CLASP1: variants seen among roughly 807,000 people sequenced by gnomAD.
CLASP1 encodes the protein CLIP-associating protein 1.
CLASP1 carries 38 observed loss-of-function variants against 192.3 expected under a neutral mutation model. That is an observed-to-expected ratio of 0.20 (90% CI 0.15 to 0.26). CLASP1 has a LOEUF of 0.26. Ranked by LOEUF, CLASP1 falls within the 10% of genes least tolerant of loss-of-function variation. The probability of loss-of-function intolerance (pLI) is 1.00; values close to 1 mark genes in which losing one functional copy is unlikely to be tolerated. For synonymous variants in CLASP1, 691 were observed against 712.8 expected (o/e 0.97, Z 0.49); for missense variants, 1,433 against 1,932.5 (o/e 0.74, Z 4.85).
At chr2:121,642,261 T>C (rs192591451) in intron 1 of CLASP1, among the ~76,000 whole-genome samples, 129 of 147,116 alleles carry the variant, frequency 8.8e-4, no homozygotes, top group Admixed American at 1.9e-3. Flanking sequence ...CTACAAAAAA[T>C]ACAAAAATTA....
At chr2:121,493,661 C>A (rs1337245232) in intron 8 of CLASP1, among the ~76,000 whole-genome samples, 1 of 151,746 alleles carries the variant, frequency 6.6e-6, no homozygotes, top group Admixed American at 6.6e-5. Flanking sequence ...AGACAACCCA[C>A]AAAATGCAAG....
intron 25 of CLASP1, 58 bp from the exon 27 acceptor site, chr2:121,404,492 G>T: frequency 3.5e-6 from 5 of 1,432,426 alleles, no homozygotes; most frequent in Non-Finnish European, 4.8e-6. Context: ...TTTGAGACAG[G>T]GTCTCACTCT....
At chr2:121,563,600 C>A (rs2059274532) in intron 2 of CLASP1, among the ~76,000 whole-genome samples, 1 of 152,144 alleles carries the variant, frequency 6.6e-6, no homozygotes, top group African/African-American at 2.4e-5. Context: ...AAATTTGCTG[C>A]TTTAATTTCT....
At chr2:121,531,059 A>AT (rs2094827556) in intron 2 of CLASP1, 1 of 696,764 alleles carries the variant, frequency 1.4e-6, no homozygotes, top group East Asian at 2.7e-5. Context: ...TAATTCGTAA[A>AT]TAAACTAGTA....
rs187197823 is a variant in CLASP1 at position 121,521,809 on chromosome 2, G to A, written c.546+4036C>T. Among the ~76,000 whole-genome samples, 5 of 152,308 alleles carry A rather than the reference G, an allele frequency of 3.3e-5. No individual in the cohort carries two copies. In the East Asian group the frequency reaches 9.6e-4, roughly 29 times the overall value. Reference sequence around the variant, plus strand: ...GAGCTGGAGGCTGACTACTAGGTCAGGTGTCTAAGTGCAGAGACAACACTG... The same window carrying A: ...GAGCTGGAGGCTGACTACTAGGTCAAGTGTCTAAGTGCAGAGACAACACTG... On this transcript the variant is annotated intron_variant, in intron 6 of 39. Coordinates refer to ENST00000263710, the Ensembl canonical transcript of CLASP1.
chr2:121,530,597 T>C (rs1196976614), intron 2 of CLASP1: 1 of 535,546 alleles, frequency 1.9e-6, no homozygotes, highest in Non-Finnish European at 3.3e-6. Context: ...CGGGTGGAGT[T>C]CAAGAGCGCG....
At chr2:121,505,772 T>A (rs115051564) in intron 7 of CLASP1, among the ~76,000 whole-genome samples, 3 of 152,194 alleles carry the variant, frequency 2.0e-5, no homozygotes, top group African/African-American at 4.8e-5. Context: ...TTTTTCTGAA[T>A]TTAAATTTCC....
At chr2:121,340,031 T>G (rs1454309881) in exon 40 of CLASP1, 3 of 152,250 alleles carry the variant, frequency 2.0e-5, no homozygotes, top group African/African-American at 4.8e-5. Context: ...ATCTCAGCAG[T>G]AAAGATGAAA....
At chr2:121,443,641 AT>A (rs946076866) in intron 19 of CLASP1, among the ~76,000 whole-genome samples, 12 of 151,806 alleles carry the variant, frequency 7.9e-5, no homozygotes, top group Admixed American at 1.3e-4. Flanking sequence ...TAATTCTGGA[AT>A]TTTTTTTTAC....
At chr2:121,629,206 C>T (rs576806261) in intron 1 of CLASP1, among the ~76,000 whole-genome samples, 16 of 151,740 alleles carry the variant, frequency 1.1e-4, no homozygotes, top group Middle Eastern at 6.8e-3. Flanking sequence ...CTGGCTAACA[C>T]GGTGAAACCC....
chr2:121,478,819 A>C (rs2092137473), intron 8 of CLASP1, among the ~76,000 whole-genome samples: 1 of 8,238 alleles, frequency 1.2e-4, no homozygotes, highest in Non-Finnish European at 3.1e-4. Flanking sequence ...CACCCCACAC[A>C]CAACCACACA....
chr2:121,632,627 T>C (rs1165177866), intron 1 of CLASP1, among the ~76,000 whole-genome samples: 1 of 152,040 alleles, frequency 6.6e-6, no homozygotes, highest in Non-Finnish European at 1.5e-5. Flanking sequence ...CTGGACGCGG[T>C]GGCTCATGCC....
intron 34 of CLASP1, among the ~76,000 whole-genome samples, chr2:121,370,827 C>A (rs1354938238): frequency 6.6e-6 from 1 of 152,158 alleles, no homozygotes; most frequent in African/African-American, 2.4e-5. Context: ...TTTATTTTCT[C>A]CCTCCCAAAT....
intron 2 of CLASP1, chr2:121,530,869 C>G (rs74790826): frequency 2.9e-5 from 20 of 678,722 alleles, no homozygotes; most frequent in Admixed American, 4.1e-5. Context: ...AGCCCAGGGA[C>G]TTTCTATTAT....
At chr2:121,344,696 G>T (rs966749887) in intron 39 of CLASP1, among the ~76,000 whole-genome samples, 1 of 152,128 alleles carries the variant, frequency 6.6e-6, no homozygotes, top group African/African-American at 2.4e-5. Flanking sequence ...TGGAACACAG[G>T]GAGCCATGAC....
intron 1 of CLASP1, among the ~76,000 whole-genome samples, chr2:121,635,987 A>G (rs2070758541): frequency 6.6e-6 from 1 of 152,094 alleles, no homozygotes; most frequent in Non-Finnish European, 1.5e-5. Context: ...ACATTGCTTG[A>G]GCCCAGGAGT....
chr2:121,353,246 C>T (rs531958147), intron 37 of CLASP1, among the ~76,000 whole-genome samples: 9 of 152,296 alleles, frequency 5.9e-5, no homozygotes, highest in African/African-American at 2.2e-4. Flanking sequence ...CACCAGAAGG[C>T]ACAGCAGCTG....
intron 19 of CLASP1, among the ~76,000 whole-genome samples, chr2:121,430,632 C>T (rs1330263199): frequency 1.3e-5 from 2 of 151,306 alleles, no homozygotes; most frequent in East Asian, 3.9e-4. Flanking sequence ...CAAAAAAAAA[C>T]CCAAAATAAA....
At chr2:121,429,359 G>A (rs1050649882) in intron 20 of CLASP1, among the ~76,000 whole-genome samples, 10 of 152,100 alleles carry the variant, frequency 6.6e-5, no homozygotes, top group African/African-American at 2.4e-4. Context: ...ACCTTGCCCA[G>A]GAGCACTCTG....
Sources: gnomAD v4.1 joint callset for allele counts (sites outside exome capture counted in the v4.1 genomes callset) on GRCh38, gnomAD v4.1.1 for gene constraint, MANE v1.5 for transcripts, NCBI Gene and HGNC (gene_info 2026-07-23, HGNC 2026-07-21) for gene names.